Variants in TNRC6A observed in about 807,000 individuals in gnomAD.
TNRC6A encodes trinucleotide repeat containing adaptor 6A.
TNRC6A carries 44 observed loss-of-function variants against 221.2 expected under a neutral mutation model. That is an observed-to-expected ratio of 0.20 (90% CI 0.16 to 0.26). The LOEUF is 0.26. TNRC6A is among the 10% of genes least tolerant of loss of function. The probability of loss-of-function intolerance (pLI) is 1.00; values close to 1 mark genes in which losing one functional copy is unlikely to be tolerated. For synonymous variants in TNRC6A, 847 were observed against 838.5 expected, an observed-to-expected ratio of 1.01 and a Z score of -0.18; for missense variants, 2,199 against 2,404.4, an observed-to-expected ratio of 0.91 and a Z score of 1.79.
chr16:24,712,569 AT>A (rs79332047), intron 2 of TNRC6A, among the ~76,000 whole-genome samples: 27,148 of 152,126 alleles, frequency 0.18, 3,617 homozygotes, highest in East Asian at 0.36. Context: ...AATAAGAAAA[AT>A]GTTTCATATT....
chr16:24,732,500 ATTG>A (rs2056668269), intron 2 of TNRC6A, among the ~76,000 whole-genome samples: 1 of 152,216 alleles, frequency 6.6e-6, no homozygotes, highest in Non-Finnish European at 1.5e-5. Flanking sequence ...GGTAGGTAGT[ATTG>A]TTATCTCCGT....
In TNRC6A at chr16:24,777,096, A is replaced by ACAGCAGCAGCCGCAG. The variant is rs1555503258; in HGVS notation, c.338_339insGCAGCAGCAGCAGCC (p.Gln110_Gln114dup). 1.5e-5 allele frequency: 21 copies of ACAGCAGCAGCCGCAG among 1,445,234 alleles called. No homozygotes were observed. The highest frequency in any genetic ancestry group is 3.5e-5 in the Admixed American group (2 of 56,538). 89.5% of individuals were successfully genotyped at this position (1,445,234 alleles called of 1,614,324 possible). ...AGCAGCAGCCGCAGCAGCAGCAGCCACAGCAGCAGCCACAGCCGCAGCCGC... is the reference window on the plus strand; with the variant it reads ...AGCAGCAGCCGCAGCAGCAGCAGCCACAGCAGCAGCCGCAGCAGCAGCAGCCACAGCCGCAGCCGC... On this transcript the variant is annotated inframe_insertion, in exon 5 of 25. Transcript: ENST00000395799.
chr16:24,620,141 C>CA (rs538573259), intron 1 of TNRC6A, among the ~76,000 whole-genome samples: 4,515 of 142,604 alleles, frequency 0.032, 225 homozygotes, highest in African/African-American at 0.11. Context: ...GACCCAGTTT[C>CA]AAAAAAAAAA....
At chr16:24,669,358 G>T (rs545352689) in intron 2 of TNRC6A, among the ~76,000 whole-genome samples, 3 of 152,002 alleles carry the variant, frequency 2.0e-5, no homozygotes, top group African/African-American at 7.2e-5. Context: ...GTGTGGCAGC[G>T]TGCCCCTGTA....
intron 1 of TNRC6A, among the ~76,000 whole-genome samples, chr16:24,635,658 A>G (rs1020738698): frequency 3.3e-5 from 5 of 152,226 alleles, no homozygotes; most frequent in Non-Finnish European, 7.3e-5. Context: ...ATTTGTTGGT[A>G]TTCAGGGAAA....
At chr16:24,680,507 C>T (rs2055510366) in intron 2 of TNRC6A, among the ~76,000 whole-genome samples, 2 of 151,574 alleles carry the variant, frequency 1.3e-5, no homozygotes, top group African/African-American at 4.8e-5. Flanking sequence ...ATCATGAGGT[C>T]AGAGTTCAAG....
chr16:24,668,985 G>T (rs571161587), intron 2 of TNRC6A, among the ~76,000 whole-genome samples: 1 of 148,562 alleles, frequency 6.7e-6, no homozygotes, highest in South Asian at 2.1e-4. Context: ...ATTTTTATGG[G>T]TTTTTTTTTT....
intron 2 of TNRC6A, among the ~76,000 whole-genome samples, chr16:24,723,543 A>G: frequency 6.6e-6 from 1 of 151,754 alleles, no homozygotes; most frequent in Non-Finnish European, 1.5e-5. Flanking sequence ...GCAGTGAGCC[A>G]AGAACGTACC....
In TNRC6A at chr16:24,777,123, G is replaced by A. The variant is rs1567458087; in HGVS notation, c.354G>A (p.Gln118=). Residue 118 remains glutamine, a synonymous_variant, in exon 5 of 25, where the codon CAG becomes CAA. Coordinates refer to ENST00000395799, the MANE Select transcript of TNRC6A (RefSeq NM_014494.4). ...QPQQQPQPQP[Q]QQQPQQQPQA... ...AGCAGCAGCCACAGCCGCAGCCGCA[G>A]CAGCAGCAGCCACAGCAGCAGCCAC... The A allele has an allele frequency of 6.8e-6, 11 of 1,611,662 alleles. No homozygotes were observed. Among genetic ancestry groups the A allele is most frequent in the South Asian group, 1.1e-5 (1 of 90,702 alleles).
intron 2 of TNRC6A, among the ~76,000 whole-genome samples, chr16:24,715,605 C>CTTTTTTTTTTTTTTTTTTTTT (rs58843836): frequency 3.1e-5 from 4 of 127,224 alleles, no homozygotes; most frequent in African/African-American, 1.2e-4. Context: ...TGAGTAGTTT[C>CTTTTTTTTTTTTTTTTTTTTT]TTTTTTTTTT....
intron 2 of TNRC6A, among the ~76,000 whole-genome samples, chr16:24,666,661 AAAAAAAAATAT>A (rs1330521282): frequency 5.6e-5 from 7 of 123,958 alleles, no homozygotes; most frequent in Non-Finnish European, 8.1e-5. Flanking sequence ...AAAAAAAAAA[AAAAAAAAATAT>A]ATATATATAT....
At chr16:24,808,134 G>A (rs1372930188) in intron 17 of TNRC6A, among the ~76,000 whole-genome samples, 1 of 152,200 alleles carries the variant, frequency 6.6e-6, no homozygotes, top group Admixed American at 6.5e-5. Context: ...ACAACAGTTA[G>A]TAGTAAAAGA....
chr16:24,807,790 C>CT (rs539210688), intron 17 of TNRC6A, among the ~76,000 whole-genome samples: 1 of 152,078 alleles, frequency 6.6e-6, no homozygotes, highest in Admixed American at 6.5e-5. Flanking sequence ...GTTTATTTTG[C>CT]TTTTTTTCTC....
intron 2 of TNRC6A, among the ~76,000 whole-genome samples, chr16:24,709,953 C>T (rs541121718): frequency 5.9e-5 from 9 of 151,834 alleles, no homozygotes; most frequent in African/African-American, 1.9e-4. Context: ...ATATGCTGGG[C>T]GCAGTGGTTC....
intron 1 of TNRC6A, among the ~76,000 whole-genome samples, chr16:24,620,179 A>C (rs1171671990): frequency 6.6e-6 from 1 of 152,134 alleles, no homozygotes; most frequent in East Asian, 1.9e-4. Context: ...GGATCATCAG[A>C]TCCCTGCTTG....
intron 1 of TNRC6A, among the ~76,000 whole-genome samples, chr16:24,625,519 A>G (rs1198569216): frequency 2.0e-5 from 3 of 151,882 alleles, no homozygotes; most frequent in Admixed American, 6.6e-5. Flanking sequence ...AGGTCAGGAG[A>G]TCGAGACCAT....
intron 2 of TNRC6A, among the ~76,000 whole-genome samples, chr16:24,665,911 T>C (rs2055148501): frequency 6.6e-6 from 1 of 152,206 alleles, no homozygotes; most frequent in African/African-American, 2.4e-5. Context: ...GTGTTGGTGG[T>C]GGTGCGGGGC....
Position 24,804,304 on chromosome 16 carries a change from T to C in TNRC6A, c.3822T>C (p.Asn1274=). 1.9e-6 allele frequency: 3 copies of C among 1,612,544 alleles called. No homozygotes were observed. The highest frequency in any genetic ancestry group is 2.5e-6 in the Non-Finnish European group (3 of 1,179,742). ...CCAAAGAGTCTTCCATGGAGCGCAATCCTTATTTTGATAAGGTAAGGTTTT... is the reference window on the plus strand; with the variant it reads ...CCAAAGAGTCTTCCATGGAGCGCAACCCTTATTTTGATAAGGTAAGGTTTT... ...QISKESSMER[N]PYFDKDGIVA... The change falls in exon 12 of 25, where the codon AAT becomes AAC. Residue 1274 remains asparagine (N), a synonymous_variant. Coordinates refer to ENST00000395799, the MANE Select transcript of TNRC6A (RefSeq NM_014494.4).
Position 24,804,932 on chromosome 16 carries a change from G to A in TNRC6A, c.3984+81G>A, listed in dbSNP as rs2058400112. 4 of 1,613,688 alleles carry A rather than the reference G, an allele frequency of 2.5e-6. No homozygotes were observed. The Admixed American group carries it at 5.0e-5, about 20-fold the overall frequency. On this transcript the variant is annotated intron_variant, in intron 13 of 24. Transcript: ENST00000395799. ...GATCTCTCTTACATGTAGTTACTGT[G>A]TTTAAATCATAGTACAGTGTGGTAA...
Sources: allele counts gnomAD v4.1 joint callset (sites outside exome capture counted in the v4.1 genomes callset), GRCh38; gene constraint gnomAD v4.1.1; transcripts MANE v1.5; gene names NCBI Gene and HGNC (gene_info 2026-07-23, HGNC 2026-07-21).